ATXN1: variants seen among roughly 807,000 people sequenced by gnomAD.
The protein encoded by ATXN1 is ataxin 1, also known as ataxin-1.
A neutral mutation model predicts 56.4 loss-of-function variants in ATXN1; 8 were observed. The ratio of observed to expected loss-of-function variants is 0.14; its 90% CI spans 0.08 to 0.26. ATXN1 has a LOEUF of 0.26. Among genes scored for constraint, ATXN1 ranks in the 10% least tolerant of loss-of-function variants. The pLI is 1.00. For missense variants in ATXN1, 987 were observed against 1,106.5 expected (o/e 0.89, Z 1.53); for synonymous variants, 514 against 494.6 (o/e 1.04, Z -0.52).
In ATXN1 at chr6:16,304,972, T is replaced by C. The variant is rs1204651708; in HGVS notation, c.*1357A>G. 4.6e-5 allele frequency: 7 copies of C among 152,682 alleles called. No individual in the cohort carries two copies. Among genetic ancestry groups the C allele is most frequent in the South Asian group, 4.1e-4 (2 of 4,836 alleles). 9.5% of individuals were successfully genotyped at this position (152,682 alleles called of 1,614,324 possible). A position where few individuals can be genotyped will look rare whatever the true frequency, so the allele number is the denominator to read the frequency against. ...CCCGTCAGGTAGTACTTGGTGGTCA[T>C]TTATTGTCACATACTAGTTCATAAT... is the stretch of plus-strand genomic sequence containing the variant. On this transcript the variant is annotated 3_prime_UTR_variant, in exon 8 of 8. Coordinates refer to ENST00000436367, the MANE Select transcript of ATXN1 (RefSeq NM_001128164.2).
intron 2 of ATXN1, among the ~76,000 whole-genome samples, chr6:16,689,494 TC>T (rs1758995814): frequency 6.9e-6 from 1 of 145,946 alleles, no homozygotes; most frequent in South Asian, 2.2e-4. Context: ...TTCTTTTTTT[TC>T]CTTCCTTTTT....
intron 6 of ATXN1, among the ~76,000 whole-genome samples, chr6:16,403,201 G>T (rs1004763458): frequency 6.6e-6 from 1 of 152,132 alleles, no homozygotes; most frequent in African/African-American, 2.4e-5. Flanking sequence ...CCCAAACCTA[G>T]CAGACCAAGT....
chr6:16,306,773 G>C lies in ATXN1; in HGVS notation c.2004C>G (p.Leu668=). ...SSCCPERTSQ[L]FDLPCSKLSV... ...AGAGTTTGGAACACGGCAAATCAAA[G>C]AGCTGGCTGGTTCTCTCCGGACAGC... Residue 668 remains leucine, a synonymous_variant, in exon 8 of 8, where the codon CTC becomes CTG. Transcript: ENST00000436367. This position sits in a 1 kb window ranked among gnomAD's most constrained non-coding sequence, Gnocchi z 5.2. The C allele has an allele frequency of 6.2e-7, 1 of 1,614,150 alleles. No individual in the cohort carries two copies. Among genetic ancestry groups the C allele is most frequent in the East Asian group, 2.2e-5 (1 of 44,890 alleles).
At chr6:16,587,931 A>AG (rs1265499582) in intron 3 of ATXN1, among the ~76,000 whole-genome samples, 98 of 137,022 alleles carry the variant, frequency 7.2e-4, no homozygotes, top group African/African-American at 2.4e-3. Context: ...AACTCTGTCT[A>AG]AAAAAAAAAA....
intron 6 of ATXN1, among the ~76,000 whole-genome samples, chr6:16,350,874 G>C (rs913074207): frequency 6.6e-6 from 1 of 152,178 alleles, no homozygotes; most frequent in Non-Finnish European, 1.5e-5. Context: ...TGTGAGGCCA[G>C]GAATTCGAGA....
At chr6:16,594,427 C>A (rs1440242947) in intron 3 of ATXN1, among the ~76,000 whole-genome samples, 1 of 151,082 alleles carries the variant, frequency 6.6e-6, no homozygotes, top group Non-Finnish European at 1.5e-5. Flanking sequence ...AGAAAGAGAT[C>A]TATTTGTGCT....
intron 4 of ATXN1, among the ~76,000 whole-genome samples, chr6:16,560,550 T>G (rs370643285): frequency 6.6e-6 from 1 of 152,224 alleles, no homozygotes; most frequent in Non-Finnish European, 1.5e-5. Flanking sequence ...AAGACTAGAA[T>G]TGGTCTGCAG....
intron 6 of ATXN1, among the ~76,000 whole-genome samples, chr6:16,339,851 C>CGGGG: frequency 6.6e-6 from 1 of 152,158 alleles, no homozygotes; most frequent in Non-Finnish European, 1.5e-5. Flanking sequence ...GGCGTGATCT[C>CGGGG]GGCTCACTGC....
At chr6:16,504,925 T>G (rs1760953463) in intron 5 of ATXN1, among the ~76,000 whole-genome samples, 1 of 151,884 alleles carries the variant, frequency 6.6e-6, no homozygotes, top group Non-Finnish European at 1.5e-5. Flanking sequence ...CTTTGCATGG[T>G]TGGTTCAGGC....
At chr6:16,627,414 A>G (rs191625010) in intron 3 of ATXN1, among the ~76,000 whole-genome samples, 2 of 152,152 alleles carry the variant, frequency 1.3e-5, no homozygotes. Flanking sequence ...TTTCATACAT[A>G]TCACCCAACA....
intron 6 of ATXN1, among the ~76,000 whole-genome samples, chr6:16,344,391 A>G (rs1240578836): frequency 6.6e-6 from 1 of 152,174 alleles, no homozygotes; most frequent in Non-Finnish European, 1.5e-5. Context: ...GGAGATAAAC[A>G]TTTGGGTCAT....
At chr6:16,642,279 C>T (rs1019347728) in intron 3 of ATXN1, among the ~76,000 whole-genome samples, 2 of 152,154 alleles carry the variant, frequency 1.3e-5, no homozygotes, top group African/African-American at 4.8e-5. Context: ...CCTGTAGTCC[C>T]AGCTACTCAG....
chr6:16,330,360 G>A (rs1760953386), intron 6 of ATXN1, among the ~76,000 whole-genome samples: 1 of 151,580 alleles, frequency 6.6e-6, no homozygotes, highest in South Asian at 2.1e-4. Context: ...TTTTTTAGAG[G>A]GGGCAATGAT....
chr6:16,550,153 T>TAAAAAAAAAAAAAAA (rs1194433906), intron 4 of ATXN1, among the ~76,000 whole-genome samples: 1 of 34,200 alleles, frequency 2.9e-5, no homozygotes, highest in African/African-American at 9.0e-5. Context: ...ATAAATAAAA[T>TAAAAAAAAAAAAAAA]ACAAAAAAAA....
chr6:16,480,154 C>CAAAAAAAAAAA (rs60209783), intron 6 of ATXN1, among the ~76,000 whole-genome samples: 4 of 79,112 alleles, frequency 5.1e-5, no homozygotes, highest in African/African-American at 5.3e-5. Flanking sequence ...ACTTCATCTG[C>CAAAAAAAAAAA]AAAAAAAAAA....
intron 6 of ATXN1, among the ~76,000 whole-genome samples, chr6:16,360,302 T>C (rs1378197354): frequency 6.6e-6 from 1 of 152,216 alleles, no homozygotes; most frequent in Non-Finnish European, 1.5e-5. Context: ...AGCTCTATAG[T>C]CCTATTTTAA....
intron 3 of ATXN1, among the ~76,000 whole-genome samples, chr6:16,647,746 C>A (rs1303766333): frequency 6.6e-6 from 1 of 152,154 alleles, no homozygotes; most frequent in Admixed American, 6.5e-5. Context: ...TCGTGTTGTA[C>A]ACAAATTTTG....
chr6:16,366,576 T>C (rs925637862), intron 6 of ATXN1, among the ~76,000 whole-genome samples: 2 of 152,054 alleles, frequency 1.3e-5, no homozygotes, highest in East Asian at 1.9e-4. Context: ...AGGTCAGGTG[T>C]TGGAGACCAG....
intron 2 of ATXN1, among the ~76,000 whole-genome samples, chr6:16,744,501 C>T (rs1451802673): frequency 6.6e-6 from 1 of 152,130 alleles, no homozygotes; most frequent in East Asian, 1.9e-4. Context: ...CTACCCACTG[C>T]TCCCAGGACA....
Sources: allele counts gnomAD v4.1 joint callset (sites outside exome capture counted in the v4.1 genomes callset), GRCh38; gene constraint gnomAD v4.1.1; non-coding constraint Gnocchi (gnomAD v3.1); transcripts MANE v1.5; gene names NCBI Gene and HGNC (gene_info 2026-07-23, HGNC 2026-07-21).